TRIM24: variants seen among roughly 807,000 people sequenced by gnomAD.
TRIM24 encodes tripartite motif containing 24.
In TRIM24, 29 loss-of-function variants were observed where a neutral mutation model predicts 123.9. The ratio of observed to expected loss-of-function variants is 0.23; its 90% confidence interval spans 0.17 to 0.32. The LOEUF is 0.32. TRIM24 is among the 10% of genes least tolerant of loss of function. The probability of loss-of-function intolerance (pLI) is 1.00; values close to 1 mark genes in which losing one functional copy is unlikely to be tolerated. For synonymous variants in TRIM24, 456 were observed against 461.1 expected (o/e 0.99, Z 0.14); for missense variants, 932 against 1,295.3 (o/e 0.72, Z 4.31).
chr7:138,579,681 C>T (rs1797852289), intron 15 of TRIM24, 149 bp downstream of exon 15: 1 of 656,488 alleles, frequency 1.5e-6, no homozygotes. Flanking sequence ...TTTTCCCATA[C>T]CCTTCCGCTT....
chr7:138,574,227 G>A (rs1416459545), intron 12 of TRIM24, among the ~76,000 whole-genome samples: 2 of 152,188 alleles, frequency 1.3e-5, no homozygotes, highest in Non-Finnish European at 2.9e-5. Flanking sequence ...ACAATAAGTA[G>A]CAATCACTCT....
In TRIM24 at chr7:138,571,034, T is replaced by C. The variant is rs1797644511; in HGVS notation, c.1878+31T>C. On this transcript the variant is annotated intron_variant, in intron 11 of 18. Transcript: ENST00000343526. The stretch of plus-strand genomic sequence containing the variant: ...TAGACACAAAATTTATACTAGCCTC[T>C]GTTGAAAACTGTTGGCCGGGTGCAG... 1.9e-6 allele frequency: 3 copies of C among 1,607,556 alleles called. No homozygotes were observed. The East Asian group carries it at 6.7e-5, about 36-fold the overall frequency.
rs577057451 is a variant in TRIM24 at position 138,589,777 on chromosome 7, T to C, written c.*4826T>C. 6.6e-6 allele frequency: 1 copy of C among 152,336 alleles called. No individual in the cohort carries two copies. Among genetic ancestry groups the C allele is most frequent in the African/African-American group, 2.4e-5 (1 of 41,574 alleles). 9.4% of individuals were successfully genotyped at this position (152,336 alleles called of 1,614,324 possible). ...TTGGAAGTCATTTTAAAAATTTAGC[T>C]ATGTTAATTCCACTTGTAAAGTTTG... On this transcript the variant is annotated 3_prime_UTR_variant, in exon 19 of 19. Transcript: ENST00000343526.
intron 7 of TRIM24, among the ~76,000 whole-genome samples, chr7:138,541,257 TG>T (rs1311265166): frequency 6.6e-6 from 1 of 151,926 alleles, no homozygotes; most frequent in Non-Finnish European, 1.5e-5. Flanking sequence ...GAGACCACCC[TG>T]CGCCACAGGG....
intron 16 of TRIM24, among the ~76,000 whole-genome samples, chr7:138,581,082 G>T (rs1041437605): frequency 6.6e-6 from 1 of 151,830 alleles, no homozygotes; most frequent in African/African-American, 2.4e-5. Context: ...CACTGAATGG[G>T]ACTAGACTTA....
intron 14 of TRIM24, among the ~76,000 whole-genome samples, chr7:138,577,887 T>G (rs1435502346): frequency 6.6e-6 from 1 of 152,208 alleles, no homozygotes; most frequent in Non-Finnish European, 1.5e-5. Context: ...CTAAACATTT[T>G]CGTGCAAGTT....
intron 1 of TRIM24, among the ~76,000 whole-genome samples, chr7:138,484,327 T>C (rs1184958895): frequency 6.6e-6 from 1 of 152,060 alleles, no homozygotes; most frequent in East Asian, 1.9e-4. Context: ...CAGACTGGTC[T>C]GGAACTCTTA....
At chr7:138,552,979 A>T (rs570263966) in intron 8 of TRIM24, among the ~76,000 whole-genome samples, 3 of 152,348 alleles carry the variant, frequency 2.0e-5, no homozygotes, top group African/African-American at 7.2e-5. Context: ...ATATCACAAT[A>T]GGTAAATACA....
chr7:138,533,766 G>A (rs146825837), intron 6 of TRIM24, among the ~76,000 whole-genome samples: 3,051 of 152,074 alleles, frequency 0.02, 73 homozygotes, highest in African/African-American at 0.062. Context: ...TTTTCTATTC[G>A]TTGGAATAGT....
Position 138,460,515 on chromosome 7 carries a change from C to T in TRIM24, c.-34C>T. ...TCGGGGGCGGCGGGCGGAGACCGCGCTCTCGCTTCCCCGGCGGCGGCAAGG... is the reference window on the plus strand; with the variant it reads ...TCGGGGGCGGCGGGCGGAGACCGCGTTCTCGCTTCCCCGGCGGCGGCAAGG... On this transcript the variant is annotated 5_prime_UTR_variant, in exon 1 of 19. Coordinates refer to ENST00000343526, the MANE Select transcript of TRIM24 (RefSeq NM_015905.3). The T allele has an allele frequency of 7.9e-7, 1 of 1,261,658 alleles. No individual in the cohort carries two copies. The highest frequency in any genetic ancestry group is 3.3e-5 in the South Asian group (1 of 29,938). The allele number at this position is 1,261,658 out of a possible 1,614,324, so 78.2% of individuals were successfully genotyped here.
At position 138,531,245 on chromosome 7, in the gene TRIM24, C is replaced by CATGTTACAT. The variant is rs377467821; in HGVS notation, c.996+2030_996+2038dup. Among the ~76,000 whole-genome samples the CATGTTACAT allele has an allele frequency of 9.2e-3, 1,354 of 146,618 alleles. 8 individuals carry two copies. Among genetic ancestry groups the CATGTTACAT allele is most frequent in the Non-Finnish European group, 0.016 (1,079 of 67,892 alleles). On this transcript the variant is annotated intron_variant, in intron 6 of 18. Coordinates refer to ENST00000343526, the MANE Select transcript of TRIM24 (RefSeq NM_015905.3). ...ACATACGTATACATGTTACACGTTA[C>CATGTTACAT]ATGTTACATATGTTACATATGTTTA...
intron 17 of TRIM24, among the ~76,000 whole-genome samples, chr7:138,582,454 G>A (rs1455497168): frequency 1.3e-5 from 2 of 151,620 alleles, no homozygotes; most frequent in African/African-American, 4.8e-5. Context: ...AGGCAGGAGA[G>A]TGGCGTGAAC....
At chr7:138,573,081 A>AT (rs1452970763) in intron 11 of TRIM24, among the ~76,000 whole-genome samples, 1 of 152,318 alleles carries the variant, frequency 6.6e-6, no homozygotes, top group African/African-American at 2.4e-5. Context: ...GATTTTCTTC[A>AT]TATTTTTCAA....
At chr7:138,519,057 A>G in intron 3 of TRIM24, 132 bp from the exon 4 acceptor site, 1 of 1,024,002 alleles carries the variant, frequency 9.8e-7, no homozygotes, top group Non-Finnish European at 1.4e-6. Context: ...ATTCTTAGTG[A>G]AAGTTATGGT....
intron 6 of TRIM24, among the ~76,000 whole-genome samples, chr7:138,530,610 G>A (rs1053344127): frequency 2.0e-5 from 3 of 151,896 alleles, no homozygotes; most frequent in Non-Finnish European, 2.9e-5. Flanking sequence ...AGGACTACAA[G>A]TGTATGCCAC....
At chr7:138,530,889 A>G (rs1156974258) in intron 6 of TRIM24, among the ~76,000 whole-genome samples, 2 of 151,982 alleles carry the variant, frequency 1.3e-5, no homozygotes, top group Non-Finnish European at 2.9e-5. Flanking sequence ...TCTCCTGAGT[A>G]GCTGTGCAAC....
At chr7:138,516,820 T>G (rs1563042468) in intron 3 of TRIM24, among the ~76,000 whole-genome samples, 2 of 151,632 alleles carry the variant, frequency 1.3e-5, no homozygotes, top group Non-Finnish European at 2.9e-5. Flanking sequence ...TTTGTTTTTT[T>G]TTTTTTTTTG....
At chr7:138,490,908 G>C (rs536651299) in intron 1 of TRIM24, 3 of 407,574 alleles carry the variant, frequency 7.4e-6, no homozygotes, top group South Asian at 5.9e-5. Context: ...CAGAGCATAA[G>C]AGATCTTCCG....
intron 7 of TRIM24, among the ~76,000 whole-genome samples, chr7:138,540,784 G>A (rs890893497): frequency 6.6e-6 from 1 of 152,162 alleles, no homozygotes; most frequent in Non-Finnish European, 1.5e-5. Context: ...ACTTTGCCCA[G>A]ATCCATCAGA....
Sources: gnomAD v4.1 joint callset for allele counts (sites outside exome capture counted in the v4.1 genomes callset) on GRCh38, gnomAD v4.1.1 for gene constraint, MANE v1.5 for transcripts, NCBI Gene and HGNC (gene_info 2026-07-23, HGNC 2026-07-21) for gene names.